The following RNF152 variants were observed in gnomAD, a reference collection of about 807,000 sequenced individuals.
RNF152 encodes ring finger protein 152.
A neutral mutation model predicts 12.7 loss-of-function variants in RNF152; 11 were observed. That is an observed-to-expected ratio of 0.86 (90% CI 0.54 to 1.43). The LOEUF is 1.43. RNF152 is among the 40% of genes most tolerant of loss of function. RNF152 has a pLI of 0.00. For synonymous variants in RNF152, 113 were observed against 120.3 expected, an observed-to-expected ratio of 0.94 and a Z score of 0.40; for missense variants, 255 against 274.8, an observed-to-expected ratio of 0.93 and a Z score of 0.51.
chr18:61,822,596 T>TA (rs1285160934), intron 1 of RNF152, among the ~76,000 whole-genome samples: 3 of 151,630 alleles, frequency 2.0e-5, no homozygotes, highest in African/African-American at 7.2e-5. Flanking sequence ...AGCCCAAGGA[T>TA]AAAAAAAGCC....
chr18:61,835,076 T>A (rs1197540070), intron 1 of RNF152, among the ~76,000 whole-genome samples: 1 of 152,184 alleles, frequency 6.6e-6, no homozygotes, highest in East Asian at 1.9e-4. Context: ...CAAACACTGC[T>A]AAATGGGAGA....
intron 1 of RNF152, among the ~76,000 whole-genome samples, chr18:61,830,996 T>C (rs1372870357): frequency 1.3e-5 from 2 of 152,226 alleles, no homozygotes; most frequent in Non-Finnish European, 2.9e-5. Context: ...TATATGAAGT[T>C]ATATTTCACC....
intron 1 of RNF152, among the ~76,000 whole-genome samples, chr18:61,886,967 T>C (rs1344346763): frequency 6.6e-6 from 1 of 152,178 alleles, no homozygotes; most frequent in African/African-American, 2.4e-5. Context: ...AGTTGAGAGC[T>C]GAACTGAGGC....
chr18:61,879,811 C>T (rs1944612396), intron 1 of RNF152, among the ~76,000 whole-genome samples: 1 of 151,766 alleles, frequency 6.6e-6, no homozygotes, highest in Admixed American at 6.6e-5. Flanking sequence ...TGAAAAAATA[C>T]AAAATTAGCC....
At chr18:61,870,367 T>G (rs564312113) in intron 1 of RNF152, among the ~76,000 whole-genome samples, 1 of 152,312 alleles carries the variant, frequency 6.6e-6, no homozygotes, top group East Asian at 1.9e-4. Context: ...CTGATGCATT[T>G]CCTGTCCTCA....
chr18:61,878,600 T>G (rs763632358), intron 1 of RNF152, among the ~76,000 whole-genome samples: 1 of 152,246 alleles, frequency 6.6e-6, no homozygotes, highest in Non-Finnish European at 1.5e-5. Flanking sequence ...TTGGGTGATT[T>G]ATAAATAATA....
At chr18:61,835,930 G>A (rs1166089638) in intron 1 of RNF152, among the ~76,000 whole-genome samples, 5 of 152,144 alleles carry the variant, frequency 3.3e-5, no homozygotes, top group South Asian at 4.1e-4. Flanking sequence ...CACTGTGGAA[G>A]GAGAGACAAA....
In RNF152 at chr18:61,815,932, C is replaced by G; in HGVS notation, c.532G>C (p.Val178Leu). 6.2e-7 allele frequency: 1 copy of G among 1,614,216 alleles called. No individual in the cohort carries two copies. Among genetic ancestry groups the G allele is most frequent in the Non-Finnish European group, 8.5e-7 (1 of 1,180,036 alleles). Residue 178 changes from valine (V) to leucine (L), a missense_variant, in exon 2 of 2, where the codon GTC (valine) becomes CTC (leucine). Val to Leu is a conservative substitution (Grantham distance 32). Transcript: ENST00000312828. ...ACGATGCCGAGGAGGAAGACCAAGACGCAAGCCACCAAGATGACAGTGCAC... is the reference window on the plus strand; with the variant it reads ...ACGATGCCGAGGAGGAAGACCAAGAGGCAAGCCACCAAGATGACAGTGCAC... ...GVCTVILVACVLVFLLGIVLH... is the reference protein window; with the variant it reads ...GVCTVILVACLLVFLLGIVLH...
chr18:61,824,396 G>A (rs772977100), intron 1 of RNF152, among the ~76,000 whole-genome samples: 1 of 152,202 alleles, frequency 6.6e-6, no homozygotes, highest in Non-Finnish European at 1.5e-5. Context: ...CAACCGCATG[G>A]CAGTACTGCC....
chr18:61,822,211 G>A (rs1019100802), intron 1 of RNF152, among the ~76,000 whole-genome samples: 7 of 152,034 alleles, frequency 4.6e-5, no homozygotes, highest in African/African-American at 9.7e-5. Flanking sequence ...ACAGTGGCTC[G>A]GGGAGGGCAT....
Position 61,841,690 on chromosome 18 carries a change from G to A in RNF152, c.-135-25092C>T, listed in dbSNP as rs554611878. Among the ~76,000 whole-genome samples, 215 of 152,308 alleles carry A rather than the reference G, an allele frequency of 1.4e-3. 1 individual carries two copies. The highest frequency in any genetic ancestry group is 4.6e-3 in the African/African-American group (190 of 41,556). ...CATTTGTACAAAAACAGAATTGTGC[G>A]TATAATTTCATGGAGTGCAATCACT... is the stretch of plus-strand genomic sequence containing the variant. On this transcript the variant is annotated intron_variant, in intron 1 of 1. Transcript: ENST00000312828.
At chr18:61,890,997 C>T (rs1056038765) in intron 1 of RNF152, among the ~76,000 whole-genome samples, 3 of 152,182 alleles carry the variant, frequency 2.0e-5, no homozygotes, top group African/African-American at 7.2e-5. Context: ...TCTTGAGCTT[C>T]CATTGAAGTT....
chr18:61,836,180 C>A (rs1405787008), intron 1 of RNF152, among the ~76,000 whole-genome samples: 1 of 152,034 alleles, frequency 6.6e-6, no homozygotes, highest in Non-Finnish European at 1.5e-5. Context: ...GATTCCAGGT[C>A]TGGGGCAGGG....
At chr18:61,885,975 CTTTTGCTTTCTTTTTTTTTTTTT>C (rs1912674585) in intron 1 of RNF152, among the ~76,000 whole-genome samples, 1 of 84,090 alleles carries the variant, frequency 1.2e-5, no homozygotes, top group Non-Finnish European at 2.4e-5. Flanking sequence ...CTTTTGCTTT[CTTTTGCTTTCTTTTTTTTTTTTT>C]TTTTTTTTTT....
intron 1 of RNF152, among the ~76,000 whole-genome samples, chr18:61,826,249 A>G (rs1486565923): frequency 6.6e-6 from 1 of 152,218 alleles, no homozygotes; most frequent in East Asian, 1.9e-4. Flanking sequence ...AGAAATGAGA[A>G]CTGCCATAAA....
intron 1 of RNF152, among the ~76,000 whole-genome samples, chr18:61,841,600 C>T (rs1017616864): frequency 1.3e-5 from 2 of 152,166 alleles, no homozygotes; most frequent in African/African-American, 4.8e-5. Context: ...ACAAGTCATT[C>T]TGAGAAAGTG....
chr18:61,850,119 T>C (rs1910904862), intron 1 of RNF152, among the ~76,000 whole-genome samples: 1 of 152,218 alleles, frequency 6.6e-6, no homozygotes, highest in African/African-American at 2.4e-5. Flanking sequence ...TACGGTAGTG[T>C]TGAAAAGACA....
intron 1 of RNF152, among the ~76,000 whole-genome samples, chr18:61,856,558 C>T (rs1407247070): frequency 6.6e-6 from 1 of 152,188 alleles, no homozygotes; most frequent in Non-Finnish European, 1.5e-5. Flanking sequence ...TTCCAGGTCA[C>T]TCAGATCCAA....
In RNF152 at chr18:61,810,760, G is replaced by C. The variant is rs576026030; in HGVS notation, c.*5092C>G. 6.6e-6 allele frequency: 1 copy of C among 152,194 alleles called. No individual in the cohort carries two copies. Among genetic ancestry groups the C allele is most frequent in the African/African-American group, 2.4e-5 (1 of 41,506 alleles). 9.4% of individuals were successfully genotyped at this position (152,194 alleles called of 1,614,324 possible). On this transcript the variant is annotated 3_prime_UTR_variant, in exon 2 of 2. Coordinates refer to ENST00000312828, the MANE Select transcript of RNF152 (RefSeq NM_173557.3). ...TTCAAAACAGCTACTGAATTATCTC[G>C]ACTATCTTATTATTCTCAATAGTTT...
Sources: gnomAD v4.1 joint callset for allele counts (sites outside exome capture counted in the v4.1 genomes callset) on GRCh38, gnomAD v4.1.1 for gene constraint, MANE v1.5 for transcripts, NCBI Gene and HGNC (gene_info 2026-07-23, HGNC 2026-07-21) for gene names.